The following ZNF571 variants were observed in gnomAD, a reference collection of about 807,000 sequenced individuals.
The protein encoded by ZNF571 is zinc finger protein 571.
ZNF571 carries 4 observed loss-of-function variants against 7.7 expected under a neutral mutation model. The observed-to-expected ratio is 0.52, with a 90% confidence interval of 0.25 to 1.18. The LOEUF (loss-of-function observed/expected upper bound fraction) is 1.18. Among genes scored for constraint, ZNF571 ranks in the 50% most tolerant of loss-of-function variants. The probability of loss-of-function intolerance (pLI) is 0.14; values close to 1 mark genes in which losing one functional copy is unlikely to be tolerated. For synonymous variants in ZNF571, 251 were observed against 232.4 expected (o/e 1.08, Z -0.73); for missense variants, 704 against 726.9 (o/e 0.97, Z 0.36).
At chr19:37,589,788 C>G (rs1163867194) in intron 1 of ZNF571, among the ~76,000 whole-genome samples, 2 of 132,602 alleles carry the variant, frequency 1.5e-5, no homozygotes, top group African/African-American at 5.8e-5. Flanking sequence ...TTGCTTGAAC[C>G]CGGGAGTTGG....
intron 1 of ZNF571, 28 bp from the exon 2 acceptor site, chr19:37,586,773 T>G: frequency 7.6e-7 from 1 of 1,322,192 alleles, no homozygotes; most frequent in Non-Finnish European, 1.1e-6. Flanking sequence ...GCCACAAGAT[T>G]AGACTTGGCT....
chr19:37,565,776 T>C lies in ZNF571; in HGVS notation c.652A>G (p.Thr218Ala), dbSNP rs1292130239. Residue 218 changes from threonine to alanine, a missense_variant, in exon 4 of 4, where the codon ACT becomes GCT. By Grantham distance (58) the Thr-to-Ala change is moderately conservative. Coordinates refer to ENST00000451802, the MANE Select transcript of ZNF571 (RefSeq NM_016536.5). Reference protein sequence around the residue: ...SDLIQHQKIHTNEKPYQCNAC... With the variant: ...SDLIQHQKIHANEKPYQCNAC... ...TTACACTGATAAGGTTTTTCATTAG[T>C]ATGAATTTTCTGATGTTGAATGAGA... is the stretch of plus-strand genomic sequence containing the variant. 6.2e-7 allele frequency: 1 copy of C among 1,613,794 alleles called. No homozygotes were observed.
At chr19:37,582,170 A>G (rs1470779629) in intron 3 of ZNF571, among the ~76,000 whole-genome samples, 2 of 152,048 alleles carry the variant, frequency 1.3e-5, no homozygotes, top group African/African-American at 4.8e-5. Context: ...TCTAGTTTTT[A>G]TTGTTGACTT....
At chr19:37,574,977 CT>C (rs2043193609) in intron 3 of ZNF571, among the ~76,000 whole-genome samples, 3 of 152,184 alleles carry the variant, frequency 2.0e-5, no homozygotes, top group Admixed American at 2.0e-4. Context: ...TTACCCAATC[CT>C]TTACATTTTC....
At chr19:37,573,092 C>G (rs1456342636) in intron 3 of ZNF571, among the ~76,000 whole-genome samples, 1 of 152,002 alleles carries the variant, frequency 6.6e-6, no homozygotes, top group African/African-American at 2.4e-5. Flanking sequence ...ATATTCCTCA[C>G]CACCACACTA....
Position 37,564,929 on chromosome 19 carries a change from T to A in ZNF571, c.1499A>T (p.Lys500Met). 6.2e-7 allele frequency: 1 copy of A among 1,614,040 alleles called. No homozygotes were observed. Among genetic ancestry groups the A allele is most frequent in the Non-Finnish European group, 8.5e-7 (1 of 1,179,958 alleles). ...GTCACATTCCTTACATTTGTAGGGC[T>A]TTTCACCTGTATGAATTCTTTGATG... ...TYHQRIHTGE[K>M]PYKCKECDKA... The change falls in exon 4 of 4, where the codon AAG (lysine) becomes ATG (methionine). Residue 500 changes from lysine to methionine, a missense_variant. Transcript: ENST00000451802.
Position 37,565,764 on chromosome 19 carries a change from GT to G in ZNF571, c.663del (p.Lys221AsnfsTer130). ...IQHQKIHTNE[K>X]PYQCNACGKA... ...TTCCCACATGCGTTACACTGATAAG[GT>G]TTTTCATTAGTATGAATTTTCTGAT... is the stretch of plus-strand genomic sequence containing the variant. On this transcript the variant is annotated frameshift_variant, in exon 4 of 4. Coordinates refer to ENST00000451802, the MANE Select transcript of ZNF571 (RefSeq NM_016536.5). LOFTEE classifies it low-confidence loss of function (END_TRUNC). 6.2e-7 allele frequency: 1 copy of G among 1,613,552 alleles called. No homozygotes were observed. Among genetic ancestry groups the G allele is most frequent in the Non-Finnish European group, 8.5e-7 (1 of 1,179,870 alleles).
In ZNF571 at chr19:37,564,753, C is replaced by G; in HGVS notation, c.1675G>C (p.Glu559Gln). 1 of 1,613,690 alleles carries G rather than the reference C, an allele frequency of 6.2e-7. No homozygotes were observed. The highest frequency in any genetic ancestry group is 8.5e-7 in the Non-Finnish European group (1 of 1,179,748). Residue 559 changes from glutamate (E) to glutamine (Q), a missense_variant, in exon 4 of 4, where the codon GAA becomes CAA. Transcript: ENST00000451802. Reference sequence around the variant, plus strand: ...AAGGCCCTCCCACATTCCTTACATTCATAGGGTTTCTCTCCAGTATGAGTT... The same window carrying G: ...AAGGCCCTCCCACATTCCTTACATTGATAGGGTTTCTCTCCAGTATGAGTT... Reference protein sequence around the residue: ...LRTHTGEKPYECKECGRAFSR... With the variant: ...LRTHTGEKPYQCKECGRAFSR...
chr19:37,589,587 A>G (rs1050247360), intron 1 of ZNF571, among the ~76,000 whole-genome samples: 2 of 152,136 alleles, frequency 1.3e-5, no homozygotes, highest in Non-Finnish European at 2.9e-5. Context: ...TGAATCCAAT[A>G]TCATTAAGAT....
Position 37,564,766 on chromosome 19 carries a change from T to C in ZNF571, c.1662A>G (p.Gly554=). 6.2e-7 allele frequency: 1 copy of C among 1,612,982 alleles called. No individual in the cohort carries two copies. Among genetic ancestry groups the C allele is most frequent in the Non-Finnish European group, 8.5e-7 (1 of 1,179,514 alleles). Residue 554 remains glycine, a synonymous_variant, in exon 4 of 4, where the codon GGA becomes GGG. Coordinates refer to ENST00000451802, the MANE Select transcript of ZNF571 (RefSeq NM_016536.5). ...HLTEHLRTHT[G]EKPYECKECG... is the part of the protein sequence containing the mutation. ...ATTCCTTACATTCATAGGGTTTCTC[T>C]CCAGTATGAGTTCTCAGATGTTCAG...
At position 37,569,544 on chromosome 19, in the gene ZNF571, A is replaced by T. The variant is rs1192292949; in HGVS notation, c.137-3253T>A. On this transcript the variant is annotated intron_variant, in intron 3 of 3. Transcript: ENST00000451802. This position sits in a 1 kb window ranked among gnomAD's most constrained non-coding sequence, Gnocchi z 4.4. ...TCATAAAATTATCTTTGCTATATGT[A>T]TTATATATTCATATTTTGTTATTTT... 1.3e-5 allele frequency among the ~76,000 whole-genome samples: 2 copies of T among 152,198 alleles called. No homozygotes were observed. Among genetic ancestry groups the T allele is most frequent in the Non-Finnish European group, 2.9e-5 (2 of 68,036 alleles).
rs780547605 is a variant in ZNF571 at position 37,565,848 on chromosome 19, G to A, written c.580C>T (p.Pro194Ser). The A allele has an allele frequency of 4.3e-6, 7 of 1,613,752 alleles. No individual in the cohort carries two copies. In the African/African-American group the frequency reaches 5.3e-5, roughly 12 times the overall value. Reference protein sequence around the residue: ...QHQRIQTGEKPYECMECGKAF... With the variant: ...QHQRIQTGEKSYECMECGKAF... ...TTTCCACATTCCATACACTCATAAG[G>A]TTTCTCACCAGTCTGAATTCTCTGA... Residue 194 changes from proline (P) to serine (S), a missense_variant, in exon 4 of 4, where the codon CCT becomes TCT. Pro to Ser is a moderately conservative substitution (Grantham distance 74). Coordinates refer to ENST00000451802, the MANE Select transcript of ZNF571 (RefSeq NM_016536.5).
chr19:37,565,775 G>T lies in ZNF571; in HGVS notation c.653C>A (p.Thr218Asn), dbSNP rs764603839. The change falls in exon 4 of 4, where the codon ACT (threonine) becomes AAT (asparagine). Residue 218 changes from threonine (T) to asparagine (N), a missense_variant. Transcript: ENST00000451802. ...GTTACACTGATAAGGTTTTTCATTAGTATGAATTTTCTGATGTTGAATGAG... is the reference window on the plus strand; with the variant it reads ...GTTACACTGATAAGGTTTTTCATTATTATGAATTTTCTGATGTTGAATGAG... ...SDLIQHQKIH[T>N]NEKPYQCNAC... 6.2e-7 allele frequency: 1 copy of T among 1,613,624 alleles called. No homozygotes were observed. Among genetic ancestry groups the T allele is most frequent in the Non-Finnish European group, 8.5e-7 (1 of 1,179,840 alleles).
At chr19:37,583,280 G>A (rs1050364028) in intron 3 of ZNF571, among the ~76,000 whole-genome samples, 3 of 152,144 alleles carry the variant, frequency 2.0e-5, no homozygotes, top group South Asian at 2.1e-4. Context: ...ACTTATCCAA[G>A]TTTAACTATA....
intron 3 of ZNF571, among the ~76,000 whole-genome samples, chr19:37,579,000 A>G (rs2043349147): frequency 6.6e-6 from 1 of 151,474 alleles, no homozygotes; most frequent in African/African-American, 2.4e-5. Context: ...CCATTGCAGG[A>G]GTCCTGCTCC....
At position 37,565,754 on chromosome 19, in the gene ZNF571, C is replaced by T; in HGVS notation, c.674G>A (p.Cys225Tyr). The T allele has an allele frequency of 6.2e-7, 1 of 1,613,844 alleles. No individual in the cohort carries two copies. Among genetic ancestry groups the T allele is most frequent in the East Asian group, 2.2e-5 (1 of 44,844 alleles). ...KIHTNEKPYQ[C>Y]NACGKAFIRG... ...AATAAAAGCTTTCCCACATGCGTTA[C>T]ACTGATAAGGTTTTTCATTAGTATG... Residue 225 changes from cysteine (C) to tyrosine (Y), a missense_variant, in exon 4 of 4, where the codon TGT (cysteine) becomes TAT (tyrosine). Coordinates refer to ENST00000451802, the MANE Select transcript of ZNF571 (RefSeq NM_016536.5).
chr19:37,573,457 G>A (rs1257796299), intron 3 of ZNF571, among the ~76,000 whole-genome samples: 2 of 152,056 alleles, frequency 1.3e-5, no homozygotes, highest in Non-Finnish European at 2.9e-5. Context: ...CTCAACACTA[G>A]TTTTAGCCTT....
At position 37,587,101 on chromosome 19, in the gene ZNF571, C is replaced by T. The variant is rs374658680; in HGVS notation, c.-69-356G>A. 5.3e-5 allele frequency: 9 copies of T among 169,278 alleles called. No individual in the cohort carries two copies. The South Asian group carries it at 1.5e-3, about 28-fold the overall frequency. The allele number at this position is 169,278 out of a possible 1,614,324, so 10.5% of individuals were successfully genotyped here. A position where few individuals can be genotyped will look rare whatever the true frequency, so the allele number is the denominator to read the frequency against. ...GACCAAAATGTGGCCTTCTTTCAGA[C>T]GTCATGAACATCAGCTAGACTCACA... On this transcript the variant is annotated intron_variant, in intron 1 of 3. Transcript: ENST00000451802.
intron 3 of ZNF571, chr19:37,583,374 A>G (rs1319005176): frequency 6.6e-6 from 1 of 152,330 alleles, no homozygotes; most frequent in Non-Finnish European, 1.5e-5. Context: ...TAGCTCCCTT[A>G]TTAAAACAAA....
Sources: gnomAD v4.1 joint callset for allele counts (sites outside exome capture counted in the v4.1 genomes callset) on GRCh38, gnomAD v4.1.1 for gene constraint, Gnocchi (gnomAD v3.1) non-coding constraint, MANE v1.5 for transcripts, NCBI Gene and HGNC (gene_info 2026-07-23, HGNC 2026-07-21) for gene names.